The following NRXN3 variants were observed in gnomAD, a reference collection of about 807,000 sequenced individuals.
NRXN3 encodes neurexin 3, also known as neurexin III.
A neutral mutation model predicts 137.6 loss-of-function variants in NRXN3; 32 were observed. The observed-to-expected ratio is 0.23, with a 90% CI of 0.18 to 0.31. The LOEUF (loss-of-function observed/expected upper bound fraction) is 0.31. Ranked by LOEUF, NRXN3 falls within the 10% of genes least tolerant of loss-of-function variation. The pLI is 1.00. For synonymous variants in NRXN3, 798 were observed against 784.5 expected, an observed-to-expected ratio of 1.02 and a Z score of -0.29; for missense variants, 1,574 against 2,062.5, an observed-to-expected ratio of 0.76 and a Z score of 4.59.
At chr14:78,395,758 T>A (rs930685525) in intron 4 of NRXN3, among the ~76,000 whole-genome samples, 1 of 151,700 alleles carries the variant, frequency 6.6e-6, no homozygotes, top group African/African-American at 2.4e-5. Context: ...GTTTTTGTGA[T>A]TTTTTTTGTC....
chr14:79,133,627 A>G (rs1206994884), intron 15 of NRXN3, among the ~76,000 whole-genome samples: 1 of 152,164 alleles, frequency 6.6e-6, no homozygotes, highest in African/African-American at 2.4e-5. Context: ...GGTTTATATT[A>G]GAAACTAAAC....
At chr14:79,375,960 G>C (rs192135838) in intron 15 of NRXN3, among the ~76,000 whole-genome samples, 1 of 150,458 alleles carries the variant, frequency 6.6e-6, no homozygotes. Context: ...AGAAAATAAT[G>C]TATGAGCATG....
At chr14:79,082,453 A>G (rs1308526193) in intron 15 of NRXN3, among the ~76,000 whole-genome samples, 1 of 151,450 alleles carries the variant, frequency 6.6e-6, no homozygotes, top group Non-Finnish European at 1.5e-5. Flanking sequence ...AGGATGGCAC[A>G]GGGGCTCTCA....
At chr14:79,255,593 A>G (rs1230931307) in intron 15 of NRXN3, among the ~76,000 whole-genome samples, 2 of 152,262 alleles carry the variant, frequency 1.3e-5, no homozygotes, top group Admixed American at 1.3e-4. Context: ...GTAGAATGTG[A>G]ATCGTAATAC....
chr14:79,535,943 G>A lies in NRXN3; in HGVS notation c.3444+68541G>A, dbSNP rs150283291. On this transcript the variant is annotated intron_variant, in intron 16 of 20. Coordinates refer to ENST00000335750, the MANE Select transcript of NRXN3 (RefSeq NM_001330195.2). ...TTCAGTTACGTGTTGGAGTGCTATC[G>A]AGAGCCCAGTGGGATTATAGGTGGA... Among the ~76,000 whole-genome samples the A allele has an allele frequency of 5.8e-3, 884 of 152,216 alleles. 39 individuals carry two copies. The highest frequency in any genetic ancestry group is 1.5e-3 in the Non-Finnish European group (102 of 68,022).
chr14:79,475,006 C>G (rs1231960699), intron 16 of NRXN3, among the ~76,000 whole-genome samples: 2 of 152,020 alleles, frequency 1.3e-5, no homozygotes, highest in Non-Finnish European at 2.9e-5. Context: ...GATAAAGTCA[C>G]AAAGAGCTTG....
chr14:79,391,989 C>A (rs2094862139), intron 15 of NRXN3, among the ~76,000 whole-genome samples: 1 of 151,916 alleles, frequency 6.6e-6, no homozygotes, highest in Admixed American at 6.6e-5. Flanking sequence ...TTTTTCTTCT[C>A]TCTCTTTTTC....
At chr14:79,398,650 G>A (rs2095096624) in intron 15 of NRXN3, among the ~76,000 whole-genome samples, 1 of 152,018 alleles carries the variant, frequency 6.6e-6, no homozygotes, top group Non-Finnish European at 1.5e-5. Flanking sequence ...TAAGGAAATA[G>A]TGCTATCAAA....
chr14:78,473,866 T>C (rs2095329649), intron 4 of NRXN3, among the ~76,000 whole-genome samples: 1 of 152,210 alleles, frequency 6.6e-6, no homozygotes, highest in Non-Finnish European at 1.5e-5. Flanking sequence ...TGCTTGAATG[T>C]CCTAATTATG....
At chr14:79,637,033 T>C (rs2098407496) in intron 16 of NRXN3, among the ~76,000 whole-genome samples, 1 of 152,194 alleles carries the variant, frequency 6.6e-6, no homozygotes, top group African/African-American at 2.4e-5. Flanking sequence ...TGTTCTGTTT[T>C]AATGGTACAC....
rs529998636 is a variant in NRXN3 at position 79,034,536 on chromosome 14, C to T, written c.3262+46395C>T. Among the ~76,000 whole-genome samples the T allele has an allele frequency of 3.9e-3, 590 of 152,236 alleles. 3 individuals are homozygous for T. The highest frequency in any genetic ancestry group is 5.7e-3 in the Non-Finnish European group (389 of 67,986). On this transcript the variant is annotated intron_variant, in intron 15 of 20. Coordinates refer to ENST00000335750, the MANE Select transcript of NRXN3 (RefSeq NM_001330195.2). ...ATAGGAAAAGTGGCATCTGCCCTTGCTCCGCACTTGGGATGGGAGAGTCAA... is the reference window on the plus strand; with the variant it reads ...ATAGGAAAAGTGGCATCTGCCCTTGTTCCGCACTTGGGATGGGAGAGTCAA...
At chr14:79,682,296 TG>T (rs1282226572) in intron 17 of NRXN3, among the ~76,000 whole-genome samples, 5 of 152,204 alleles carry the variant, frequency 3.3e-5, no homozygotes, top group Non-Finnish European at 7.3e-5. Flanking sequence ...ATCCTTTGTT[TG>T]TAGCCAGATT....
chr14:78,175,776 C>T (rs1361790778), intron 1 of NRXN3, among the ~76,000 whole-genome samples: 1 of 152,210 alleles, frequency 6.6e-6, no homozygotes, highest in African/African-American at 2.4e-5. Context: ...AATTATACTC[C>T]TCAGAGAGAC....
chr14:79,151,992 A>G (rs1214908290), intron 15 of NRXN3, among the ~76,000 whole-genome samples: 2 of 152,078 alleles, frequency 1.3e-5, no homozygotes, highest in Non-Finnish European at 2.9e-5. Flanking sequence ...TCATCCTCCC[A>G]GAAGTGATGT....
At chr14:79,803,913 G>GTATA (rs72231822) in intron 19 of NRXN3, among the ~76,000 whole-genome samples, 44 of 139,332 alleles carry the variant, frequency 3.2e-4, no homozygotes, top group Admixed American at 8.7e-4. Flanking sequence ...ATATATATAT[G>GTATA]TATATATATA....
chr14:79,173,272 G>A (rs1012506484), intron 15 of NRXN3, among the ~76,000 whole-genome samples: 1 of 152,062 alleles, frequency 6.6e-6, no homozygotes, highest in Non-Finnish European at 1.5e-5. Context: ...GCTCAATCCT[G>A]TAATCTCAGC....
intron 15 of NRXN3, among the ~76,000 whole-genome samples, chr14:79,085,468 G>A (rs768642470): frequency 1.3e-5 from 2 of 152,130 alleles, no homozygotes; most frequent in Middle Eastern, 3.4e-3. Context: ...TATTTTTAAC[G>A]CTTCAATGTG....
intron 4 of NRXN3, among the ~76,000 whole-genome samples, chr14:78,456,068 G>A (rs1432478439): frequency 6.6e-6 from 1 of 152,164 alleles, no homozygotes; most frequent in African/African-American, 2.4e-5. Context: ...TGTCCATCCT[G>A]CCTCTTTCCA....
chr14:79,230,996 C>T (rs17108981), intron 15 of NRXN3, among the ~76,000 whole-genome samples: 2,967 of 152,238 alleles, frequency 0.019, 102 homozygotes, highest in African/African-American at 0.068. Context: ...TTATTTAAGG[C>T]ACCTATTTTG....
Sources: gnomAD v4.1 joint callset for allele counts (sites outside exome capture counted in the v4.1 genomes callset) on GRCh38, gnomAD v4.1.1 for gene constraint, MANE v1.5 for transcripts, NCBI Gene and HGNC (gene_info 2026-07-23, HGNC 2026-07-21) for gene names.